Variants in UBE2V2 observed in about 807,000 individuals in gnomAD.
UBE2V2 encodes ubiquitin-conjugating enzyme E2 variant 2.
UBE2V2 carries 9 observed loss-of-function variants against 17.2 expected under a neutral mutation model. That is an observed-to-expected ratio of 0.52 (90% CI 0.32 to 0.91). The LOEUF (loss-of-function observed/expected upper bound fraction) is 0.91, where lower values mean the gene tolerates loss of function less well. Ranked by LOEUF, UBE2V2 falls within the 40% of genes least tolerant of loss-of-function variation. The probability of loss-of-function intolerance (pLI) is 0.04; values close to 1 mark genes in which losing one functional copy is unlikely to be tolerated. For missense variants in UBE2V2, 133 were observed against 182.6 expected, an observed-to-expected ratio of 0.73 and a Z score of 1.56; for synonymous variants, 61 against 57.5, an observed-to-expected ratio of 1.06 and a Z score of -0.28.
At chr8:48,031,990 A>G (rs2091386527) in intron 1 of UBE2V2, among the ~76,000 whole-genome samples, 1 of 152,194 alleles carries the variant, frequency 6.6e-6, no homozygotes, top group South Asian at 2.1e-4. Context: ...TCTAAAACAC[A>G]TTGAAATATC....
At chr8:48,037,477 T>A (rs536554904) in intron 1 of UBE2V2, among the ~76,000 whole-genome samples, 1 of 152,372 alleles carries the variant, frequency 6.6e-6, no homozygotes, top group Non-Finnish European at 1.5e-5. Flanking sequence ...ACTGATACAG[T>A]TTAGTAGAAG....
At position 48,063,728 on chromosome 8, in the gene UBE2V2, T is replaced by A. The variant is rs1802626940; in HGVS notation, c.*2900T>A. The stretch of plus-strand genomic sequence containing the variant: ...TTGAAGGATAGTCAATGGTATTTAG[T>A]CTTGGATATAAAAATAGAGAAAATT... On this transcript the variant is annotated 3_prime_UTR_variant, in exon 4 of 4. Coordinates refer to ENST00000523111, the MANE Select transcript of UBE2V2 (RefSeq NM_003350.3). 6.6e-6 allele frequency: 1 copy of A among 152,174 alleles called. No homozygotes were observed. Among genetic ancestry groups the A allele is most frequent in the South Asian group, 2.1e-4 (1 of 4,826 alleles). 9.4% of individuals were successfully genotyped at this position (152,174 alleles called of 1,614,324 possible). A position where few individuals can be genotyped will look rare whatever the true frequency, so the allele number is the denominator to read the frequency against.
At chr8:48,030,720 C>CA (rs1415880846) in intron 1 of UBE2V2, among the ~76,000 whole-genome samples, 1 of 151,022 alleles carries the variant, frequency 6.6e-6, no homozygotes, top group Non-Finnish European at 1.5e-5. Context: ...GTCTCAAAAA[C>CA]AAAAAACAAA....
intron 1 of UBE2V2, among the ~76,000 whole-genome samples, chr8:48,020,793 G>A (rs548214827): frequency 6.6e-6 from 1 of 152,044 alleles, no homozygotes; most frequent in Non-Finnish European, 1.5e-5. Context: ...TTGTAGATAC[G>A]GGGTCTTGCC....
chr8:48,009,744 C>G (rs947759575), intron 1 of UBE2V2, among the ~76,000 whole-genome samples: 2 of 152,160 alleles, frequency 1.3e-5, no homozygotes, highest in African/African-American at 2.4e-5. Flanking sequence ...ATTCTGCATA[C>G]ATTTTAATTA....
the UBE2V2 span, among the ~76,000 whole-genome samples, chr8:47,999,313 C>T: frequency 6.6e-6 from 1 of 151,830 alleles, no homozygotes; most frequent in African/African-American, 2.4e-5. Flanking sequence ...GTGGACCATC[C>T]AGAGGCAATA....
At chr8:48,006,243 T>C (rs891807898), upstream of UBE2V2, among the ~76,000 whole-genome samples, 1 of 152,218 alleles carries the variant, frequency 6.6e-6, no homozygotes, top group Non-Finnish European at 1.5e-5. Flanking sequence ...GCTACCCAGT[T>C]TTCCCAACAC....
intron 3 of UBE2V2, among the ~76,000 whole-genome samples, chr8:48,055,018 T>C (rs1429708731): frequency 6.6e-6 from 1 of 152,094 alleles, no homozygotes; most frequent in Non-Finnish European, 1.5e-5. Flanking sequence ...GAAGTGTTTG[T>C]TTCTGATTTA....
chr8:48,000,880 A>G, the UBE2V2 span, among the ~76,000 whole-genome samples: 1 of 149,472 alleles, frequency 6.7e-6, no homozygotes, highest in Non-Finnish European at 1.5e-5. Context: ...GAATTCATGT[A>G]GAAGAGGAAG....
At chr8:48,042,921 G>C (rs1405880477) in intron 1 of UBE2V2, 112 bp from the exon 2 acceptor site, 15 of 1,116,718 alleles carry the variant, frequency 1.3e-5, no homozygotes, top group Non-Finnish European at 1.5e-5. Flanking sequence ...AGGGGATTTG[G>C]TCTTTTTGGG....
intron 1 of UBE2V2, among the ~76,000 whole-genome samples, chr8:48,034,333 G>C (rs1214445378): frequency 6.6e-6 from 1 of 151,974 alleles, no homozygotes; most frequent in Non-Finnish European, 1.5e-5. Flanking sequence ...CACTATGTTG[G>C]CCAGGCTGGT....
In UBE2V2 at chr8:48,060,973, A is replaced by C; in HGVS notation, c.*145A>C. ...CTGGACATTTGTAAGAATATATTTAATATATGTACACCCATTATGTTTTCA... is the reference window on the plus strand; with the variant it reads ...CTGGACATTTGTAAGAATATATTTACTATATGTACACCCATTATGTTTTCA... On this transcript the variant is annotated 3_prime_UTR_variant, in exon 4 of 4. Transcript: ENST00000523111. 1.3e-6 allele frequency: 1 copy of C among 749,626 alleles called. No individual in the cohort carries two copies. Among genetic ancestry groups the C allele is most frequent in the Non-Finnish European group, 1.9e-6 (1 of 534,530 alleles). 46.4% of individuals were successfully genotyped at this position (749,626 alleles called of 1,614,324 possible).
In UBE2V2 at chr8:48,009,252, T is replaced by TTTTTC. The variant is rs1297717477; in HGVS notation, c.16+797_16+801dup. Among the ~76,000 whole-genome samples, 23 of 151,844 alleles carry TTTTTC rather than the reference T, an allele frequency of 1.5e-4. No individual in the cohort carries two copies. The South Asian group carries it at 2.7e-3, about 18-fold the overall frequency. On this transcript the variant is annotated intron_variant, in intron 1 of 3. Transcript: ENST00000523111. ...AAAATGTTAACCCGTGTGATCTGCC[T>TTTTTC]TTTTCTTTTCTTTTCTTTTTTTTTT...
intron 3 of UBE2V2, among the ~76,000 whole-genome samples, chr8:48,059,597 C>T (rs188699280): frequency 3.0e-4 from 46 of 152,048 alleles, no homozygotes; most frequent in African/African-American, 9.2e-4. Context: ...TTAGTAGAGG[C>T]GGGGTTTCAC....
chr8:48,016,993 C>G (rs2091273461), intron 1 of UBE2V2, among the ~76,000 whole-genome samples: 1 of 150,604 alleles, frequency 6.6e-6, no homozygotes, highest in South Asian at 2.1e-4. Flanking sequence ...ACCATGTTGG[C>G]CAGGCTAGGC....
chr8:48,053,422 A>ATTT (rs1218371704), intron 3 of UBE2V2, among the ~76,000 whole-genome samples: 5 of 136,542 alleles, frequency 3.7e-5, no homozygotes, highest in Admixed American at 7.5e-5. Context: ...AGATCTTTTA[A>ATTT]TTTTTTTTTT....
chr8:48,008,291 G>T, upstream of UBE2V2: 6 of 787,992 alleles, frequency 7.6e-6, no homozygotes, highest in South Asian at 1.8e-4. Context: ...AAACAGCAGC[G>T]AGGCCCCGCG....
At chr8:48,015,827 T>C (rs1023678014) in intron 1 of UBE2V2, among the ~76,000 whole-genome samples, 3 of 152,202 alleles carry the variant, frequency 2.0e-5, no homozygotes, top group African/African-American at 7.2e-5. Context: ...ATTTCCTTCT[T>C]TTTTATGATT....
chr8:48,055,671 C>T (rs1278032004), intron 3 of UBE2V2, among the ~76,000 whole-genome samples: 7 of 151,964 alleles, frequency 4.6e-5, no homozygotes, highest in Admixed American at 1.3e-4. Flanking sequence ...AGGTTTGGAA[C>T]ATTTTTGTTC....
Sources: allele counts gnomAD v4.1 joint callset (sites outside exome capture counted in the v4.1 genomes callset), GRCh38; gene constraint gnomAD v4.1.1; transcripts MANE v1.5; gene names NCBI Gene and HGNC (gene_info 2026-07-23, HGNC 2026-07-21).